The following CCDC179 variants were observed in gnomAD, a reference collection of about 807,000 sequenced individuals.
CCDC179 encodes the protein coiled-coil domain-containing protein 179.
Under a neutral mutation model 12.0 loss-of-function variants are expected in CCDC179, and 17 were observed. The ratio of observed to expected loss-of-function variants is 1.42; its 90% CI spans 0.97 to 2.13. The LOEUF is 2.13. Ranked by LOEUF, CCDC179 falls within the 30% of genes most tolerant of loss-of-function variation. The pLI is 0.00. For missense variants in CCDC179, 83 were observed against 78.6 expected, an observed-to-expected ratio of 1.06 and a Z score of -0.21; for synonymous variants, 27 against 26.4, an observed-to-expected ratio of 1.02 and a Z score of -0.07.
intron 3 of CCDC179, among the ~76,000 whole-genome samples, chr11:22,854,046 T>C (rs1858480860): frequency 6.6e-6 from 1 of 151,660 alleles, no homozygotes; most frequent in South Asian, 2.1e-4. Flanking sequence ...TGGAGTAAAA[T>C]ATTTAAAGTG....
chr11:22,847,549 TA>T, intron 3 of CCDC179, 28 bp from the exon 4 acceptor site: 1 of 1,227,560 alleles, frequency 8.1e-7, no homozygotes, highest in Non-Finnish European at 1.1e-6. Flanking sequence ...ACACAAAGAA[TA>T]AGAAATTTAA....
chr11:22,858,795 T>C (rs78109539), intron 2 of CCDC179, among the ~76,000 whole-genome samples: 189 of 152,188 alleles, frequency 1.2e-3, no homozygotes, highest in Admixed American at 3.3e-3. Context: ...TACTATTCAT[T>C]TTAGGAAAAT....
intron 3 of CCDC179, among the ~76,000 whole-genome samples, chr11:22,857,243 C>T (rs1385732905): frequency 2.0e-5 from 3 of 151,606 alleles, no homozygotes; most frequent in Non-Finnish European, 3.0e-5. Flanking sequence ...CAGAAGAGGA[C>T]TGACACTACC....
rs1193911248 is a variant in CCDC179, at chr11:22,847,453, C to T, written c.*57G>A. On this transcript the variant is annotated 3_prime_UTR_variant, in exon 4 of 4. Coordinates refer to ENST00000532798, the MANE Select transcript of CCDC179 (RefSeq NM_001195637.2). ...AATTCATGATATGTCACTTGATGTT[C>T]ACAATCCACATATTTCTGTCTGGAG... 55 of 1,184,120 alleles carry T rather than the reference C, an allele frequency of 4.6e-5. No homozygotes were observed. The highest frequency in any genetic ancestry group is 4.3e-4 in the South Asian group (25 of 58,162). The allele number at this position is 1,184,120 out of a possible 1,614,324, so 73.4% of individuals were successfully genotyped here.
intron 3 of CCDC179, among the ~76,000 whole-genome samples, chr11:22,850,976 A>ATATATATATTT (rs1554920538): frequency 3.3e-4 from 2 of 6,122 alleles, no homozygotes; most frequent in African/African-American, 3.1e-4. Flanking sequence ...ATATATATAT[A>ATATATATATTT]TTTTTTTTTT....
At chr11:22,852,227 A>G (rs1858422538) in intron 3 of CCDC179, among the ~76,000 whole-genome samples, 1 of 152,060 alleles carries the variant, frequency 6.6e-6, no homozygotes, top group Non-Finnish European at 1.5e-5. Context: ...GTTCTAACCA[A>G]CTCCATCTTG....
intron 3 of CCDC179, 61 bp downstream of exon 3, chr11:22,857,860 TA>T: frequency 1.2e-6 from 1 of 812,680 alleles, no homozygotes; most frequent in Non-Finnish European, 1.8e-6. Context: ...TTACATGAAT[TA>T]AAATGATGAT....
In CCDC179 at chr11:22,847,710, A is replaced by G. The variant is rs142614035; in HGVS notation, c.196-189T>C. On this transcript the variant is annotated intron_variant, in intron 3 of 3. Transcript: ENST00000532798. The stretch of plus-strand genomic sequence containing the variant: ...AACTAAAGTAAGGTCACATTCAGAT[A>G]GAAGCCAGATACAAAAATAATTATC... Among the ~76,000 whole-genome samples the G allele has an allele frequency of 1.0e-3, 154 of 152,298 alleles. 1 individual carries two copies. The highest frequency in any genetic ancestry group is 3.3e-3 in the African/African-American group (137 of 41,592).
chr11:22,850,632 G>A lies in CCDC179; in HGVS notation c.196-3111C>T, dbSNP rs972248218. Among the ~76,000 whole-genome samples the A allele has an allele frequency of 9.2e-5, 14 of 152,104 alleles. No homozygotes were observed. In the East Asian group the frequency reaches 2.5e-3, roughly 27 times the overall value. ...AGTAGTGGGATTGCTGGATCAAATG[G>A]TAGTTCTAATTTTAGTTAAAAAGGG... On this transcript the variant is annotated intron_variant, in intron 3 of 3. Coordinates refer to ENST00000532798, the MANE Select transcript of CCDC179 (RefSeq NM_001195637.2).
At chr11:22,857,486 C>T (rs1166169420) in intron 3 of CCDC179, among the ~76,000 whole-genome samples, 4 of 151,720 alleles carry the variant, frequency 2.6e-5, no homozygotes, top group Admixed American at 1.3e-4. Flanking sequence ...AATCTGGACA[C>T]TGACACCTTT....
chr11:22,851,419 T>A (rs944246013), intron 3 of CCDC179, among the ~76,000 whole-genome samples: 2 of 152,158 alleles, frequency 1.3e-5, no homozygotes. Context: ...ATGCTAATGG[T>A]ACCTCTATTC....
chr11:22,853,311 G>C (rs748919770), intron 3 of CCDC179, among the ~76,000 whole-genome samples: 2 of 152,130 alleles, frequency 1.3e-5, no homozygotes, highest in African/African-American at 2.4e-5. Context: ...AGATATTTTA[G>C]AATTATCAGA....
chr11:22,856,916 C>T (rs1450184227), intron 3 of CCDC179, among the ~76,000 whole-genome samples: 20 of 151,506 alleles, frequency 1.3e-4, no homozygotes, highest in Admixed American at 1.3e-3. Context: ...GAAAAACAGC[C>T]TCCCATTTAT....
At chr11:22,853,649 T>C (rs1213095965) in intron 3 of CCDC179, among the ~76,000 whole-genome samples, 2 of 107,472 alleles carry the variant, frequency 1.9e-5, no homozygotes, top group African/African-American at 6.9e-5. Flanking sequence ...ATATGTACAA[T>C]TGGAAAAAAA....
At chr11:22,850,194 A>C (rs1170275727) in intron 3 of CCDC179, among the ~76,000 whole-genome samples, 1 of 152,196 alleles carries the variant, frequency 6.6e-6, no homozygotes, top group Non-Finnish European at 1.5e-5. Flanking sequence ...GCCAGCATCT[A>C]TGTCTGCAGC....
In CCDC179 at chr11:22,847,490, T is replaced by A; in HGVS notation, c.*20A>T. 1 of 1,423,710 alleles carries A rather than the reference T, an allele frequency of 7.0e-7. No homozygotes were observed. The highest frequency in any genetic ancestry group is 2.2e-5 in the Admixed American group (1 of 45,106). 88.2% of individuals were successfully genotyped at this position (1,423,710 alleles called of 1,614,324 possible). On this transcript the variant is annotated 3_prime_UTR_variant, in exon 4 of 4. Transcript: ENST00000532798. ...ATTTCTGTCTGGAGCATGGTTTCCT[T>A]CAAATAGACTCCTGCTTTATCAAGA...
intron 3 of CCDC179, among the ~76,000 whole-genome samples, chr11:22,850,470 T>C (rs1170711801): frequency 6.6e-6 from 1 of 152,236 alleles, no homozygotes. Flanking sequence ...ATATACCAGA[T>C]TTTCTTTATC....
At chr11:22,848,044 G>A (rs1163820437) in intron 3 of CCDC179, among the ~76,000 whole-genome samples, 1 of 152,142 alleles carries the variant, frequency 6.6e-6, no homozygotes, top group African/African-American at 2.4e-5. Context: ...TGAAAAAATT[G>A]CCTACATCAG....
At chr11:22,851,310 T>C (rs970378201) in intron 3 of CCDC179, among the ~76,000 whole-genome samples, 3 of 151,902 alleles carry the variant, frequency 2.0e-5, no homozygotes, top group Non-Finnish European at 2.9e-5. Flanking sequence ...GGGTTGAACT[T>C]TTACTCATAA....
Sources: allele counts gnomAD v4.1 joint callset (sites outside exome capture counted in the v4.1 genomes callset), GRCh38; gene constraint gnomAD v4.1.1; transcripts MANE v1.5; gene names NCBI Gene and HGNC (gene_info 2026-07-23, HGNC 2026-07-21).